MED13L: variants seen among roughly 807,000 people sequenced by gnomAD.
MED13L encodes mediator of RNA polymerase II transcription subunit 13-like.
Under a neutral mutation model 220.9 loss-of-function variants are expected in MED13L, and 7 were observed. That is an observed-to-expected ratio of 0.03 (90% CI 0.02 to 0.06). MED13L has a LOEUF of 0.06. Among genes scored for constraint, MED13L ranks in the 10% least tolerant of loss-of-function variants. The probability of loss-of-function intolerance (pLI) is 1.00; values close to 1 mark genes in which losing one functional copy is unlikely to be tolerated. For missense variants in MED13L, 1,965 were observed against 2,760.5 expected, an observed-to-expected ratio of 0.71 and a Z score of 6.46; for synonymous variants, 1,011 against 1,015.2, an observed-to-expected ratio of 1.00 and a Z score of 0.08.
intron 7 of MED13L, 141 bp downstream of exon 7, chr12:116,019,083 C>A: frequency 2.5e-6 from 2 of 788,164 alleles, no homozygotes; most frequent in Non-Finnish European, 4.0e-6. Flanking sequence ...TTTCCTTCTC[C>A]ATTTTGTAAT....
intron 2 of MED13L, among the ~76,000 whole-genome samples, chr12:116,132,107 C>A (rs575438001): frequency 6.6e-6 from 1 of 152,024 alleles, no homozygotes; most frequent in Non-Finnish European, 1.5e-5. Context: ...TGTGAAACCC[C>A]GTCTCTACAA....
intron 2 of MED13L, among the ~76,000 whole-genome samples, chr12:116,121,681 A>G (rs1230541749): frequency 6.6e-6 from 1 of 152,140 alleles, no homozygotes; most frequent in Non-Finnish European, 1.5e-5. Context: ...GCTATGATAC[A>G]TATTTCCTTT....
intron 2 of MED13L, among the ~76,000 whole-genome samples, chr12:116,128,478 C>T (rs1368346751): frequency 6.6e-6 from 1 of 150,968 alleles, no homozygotes; most frequent in African/African-American, 2.4e-5. Context: ...ATTAAAATAC[C>T]ACAATAAACT....
intron 14 of MED13L, among the ~76,000 whole-genome samples, chr12:115,998,574 C>A (rs1878552947): frequency 1.3e-5 from 2 of 152,144 alleles, no homozygotes; most frequent in Admixed American, 1.3e-4. Flanking sequence ...TCTCAATGGG[C>A]CTACTTGCTT....
intron 9 of MED13L, among the ~76,000 whole-genome samples, 200 bp from the exon 10 acceptor site, chr12:116,009,332 A>G (rs2137388331): frequency 6.6e-6 from 1 of 152,330 alleles, no homozygotes; most frequent in Non-Finnish European, 1.5e-5. Flanking sequence ...TTAAGCAGAT[A>G]AGAAATGGGC....
intron 16 of MED13L, 52 bp downstream of exon 16, chr12:115,996,424 G>C (rs932641421): frequency 1.3e-6 from 2 of 1,568,928 alleles, no homozygotes; most frequent in South Asian, 2.2e-5. Context: ...ATTTAGTTAA[G>C]ATAAAAATTG....
chr12:115,970,473 T>C, intron 27 of MED13L, 121 bp downstream of exon 27: 1 of 1,005,784 alleles, frequency 9.9e-7, no homozygotes, highest in Non-Finnish European at 1.5e-6. Context: ...TTCTATCCCC[T>C]CTTTATAGTT....
intron 4 of MED13L, among the ~76,000 whole-genome samples, chr12:116,050,824 A>G (rs1466726929): frequency 6.6e-6 from 1 of 152,134 alleles, no homozygotes; most frequent in Non-Finnish European, 1.5e-5. Flanking sequence ...CAGTAATCCC[A>G]GCTGTTCAGG....
intron 2 of MED13L, among the ~76,000 whole-genome samples, chr12:116,208,213 G>A (rs548340615): frequency 3.3e-4 from 50 of 152,136 alleles, no homozygotes; most frequent in Non-Finnish European, 7.1e-4. Flanking sequence ...TGGCTAACAC[G>A]GTGAAACCCG....
rs1877485516 is a variant in MED13L, at chr12:115,983,550, T to C, written c.4532-10A>G. ...GTGGCTAAATAAGGTGCTGAAAGAATACATGCAAAGAGGTGACTTTAGTGA... is the reference window on the plus strand; with the variant it reads ...GTGGCTAAATAAGGTGCTGAAAGAACACATGCAAAGAGGTGACTTTAGTGA... On this transcript the variant is annotated splice_polypyrimidine_tract_variant and intron_variant, in intron 20 of 30. Transcript: ENST00000281928. The C allele has an allele frequency of 4.3e-6, 7 of 1,613,932 alleles. No homozygotes were observed. In the South Asian group the frequency reaches 6.6e-5, roughly 15 times the overall value.
At chr12:115,961,735 C>G in intron 30 of MED13L, 1 of 370,942 alleles carries the variant, frequency 2.7e-6, no homozygotes, top group South Asian at 2.4e-5. Context: ...TTTGGGAGGC[C>G]GAGGTGGGGG....
rs747657031 is a variant in MED13L, at chr12:116,022,440, G to C, written c.625+16C>G. ...GGTGGCGGATAGGGGTGGAGAGCAG[G>C]AACACCCATACTTACCTTGAAATGG... On this transcript the variant is annotated intron_variant, in intron 5 of 30. Transcript: ENST00000281928. The C allele has an allele frequency of 3.2e-5, 52 of 1,613,212 alleles. No homozygotes were observed. The highest frequency in any genetic ancestry group is 4.3e-5 in the Non-Finnish European group (51 of 1,179,626).
chr12:116,269,671 A>G (rs954422402), intron 1 of MED13L, among the ~76,000 whole-genome samples: 2 of 152,154 alleles, frequency 1.3e-5, no homozygotes, highest in African/African-American at 4.8e-5. Flanking sequence ...AAAACAAAAC[A>G]AAACAGACAA....
intron 2 of MED13L, among the ~76,000 whole-genome samples, chr12:116,184,864 CAA>C (rs1456248563): frequency 1.3e-5 from 2 of 152,046 alleles, no homozygotes; most frequent in Non-Finnish European, 2.9e-5. Flanking sequence ...CAATCACTAC[CAA>C]ATATTTATGA....
intron 4 of MED13L, among the ~76,000 whole-genome samples, chr12:116,039,853 A>G (rs1881417864): frequency 6.6e-6 from 1 of 152,092 alleles, no homozygotes; most frequent in South Asian, 2.1e-4. Flanking sequence ...ATTAGTTAGT[A>G]TGGAACTGAG....
At chr12:116,108,349 A>G (rs1452363781) in intron 3 of MED13L, among the ~76,000 whole-genome samples, 1 of 142,020 alleles carries the variant, frequency 7.0e-6, no homozygotes. Flanking sequence ...GCCACACATA[A>G]AATAGACTCT....
intron 2 of MED13L, among the ~76,000 whole-genome samples, chr12:116,170,077 A>G (rs1879563402): frequency 6.6e-6 from 1 of 152,180 alleles, no homozygotes; most frequent in African/African-American, 2.4e-5. Context: ...ATTAAAACCC[A>G]ACAATCTATC....
chr12:115,972,439 T>G lies in MED13L; in HGVS notation c.5732-203A>C, dbSNP rs946532791. Reference sequence around the variant, plus strand: ...CTTCATTAACAAAGGAACAAAGGCCTACTATTCTGTGGCTGAAGTCATGTC... The same window carrying G: ...CTTCATTAACAAAGGAACAAAGGCCGACTATTCTGTGGCTGAAGTCATGTC... On this transcript the variant is annotated intron_variant, in intron 25 of 30. Transcript: ENST00000281928. 89 of 610,046 alleles carry G rather than the reference T, an allele frequency of 1.5e-4. 2 individuals carry two copies. The highest frequency in any genetic ancestry group is 1.2e-3 in the East Asian group (38 of 31,546). 37.8% of individuals were successfully genotyped at this position (610,046 alleles called of 1,614,324 possible).
At chr12:115,996,226 G>A (rs1050422843) in intron 16 of MED13L, among the ~76,000 whole-genome samples, 1 of 151,968 alleles carries the variant, frequency 6.6e-6, no homozygotes, top group Non-Finnish European at 1.5e-5. Context: ...GAGTAGCTAG[G>A]ATTACAGACT....
Sources: allele counts gnomAD v4.1 joint callset (sites outside exome capture counted in the v4.1 genomes callset), GRCh38; gene constraint gnomAD v4.1.1; transcripts MANE v1.5; gene names NCBI Gene and HGNC (gene_info 2026-07-23, HGNC 2026-07-21).